Variants in LAMA2 observed in about 807,000 individuals in gnomAD.
The protein encoded by LAMA2 is laminin subunit alpha-2.
LAMA2 carries 269 observed loss-of-function variants against 364.8 expected under a neutral mutation model. That is an observed-to-expected ratio of 0.74 (90% confidence interval 0.67 to 0.82). The LOEUF (loss-of-function observed/expected upper bound fraction) is 0.82. Among genes scored for constraint, LAMA2 ranks in the 40% least tolerant of loss-of-function variants. The pLI is 0.00. For synonymous variants in LAMA2, 1,379 were observed against 1,370.6 expected (o/e 1.01, Z -0.14); for missense variants, 3,807 against 3,873.2 (o/e 0.98, Z 0.45).
intron 15 of LAMA2, among the ~76,000 whole-genome samples, chr6:129,263,620 T>C (rs1328538955): frequency 2.0e-5 from 3 of 150,668 alleles, no homozygotes; most frequent in African/African-American, 7.4e-5. Context: ...AGCAAGGCCA[T>C]GAGGAGATTT....
chr6:129,154,135 CG>C (rs1778967980), intron 7 of LAMA2, among the ~76,000 whole-genome samples: 1 of 152,148 alleles, frequency 6.6e-6, no homozygotes, highest in African/African-American at 2.4e-5. Flanking sequence ...AAGTCTAGGC[CG>C]GGGGCAGTGG....
At chr6:129,400,030 A>T (rs1031502009) in intron 37 of LAMA2, among the ~76,000 whole-genome samples, 1 of 152,202 alleles carries the variant, frequency 6.6e-6, no homozygotes, top group South Asian at 2.1e-4. Flanking sequence ...TATGCAATCA[A>T]AACTTATTTC....
chr6:129,516,128 A>G (rs144497643), intron 64 of LAMA2, 62 bp from the exon 65 acceptor site: 1 of 1,554,756 alleles, frequency 6.4e-7, no homozygotes, highest in African/African-American at 1.4e-5. Flanking sequence ...ACTTTGAAAC[A>G]TGCTCTTAAT....
intron 1 of LAMA2, among the ~76,000 whole-genome samples, chr6:128,923,568 A>G (rs1778887210): frequency 6.6e-6 from 1 of 152,166 alleles, no homozygotes; most frequent in Non-Finnish European, 1.5e-5. Context: ...AGGGGATAGT[A>G]TATCCAATAT....
At chr6:129,087,202 T>A (rs907745801) in intron 3 of LAMA2, among the ~76,000 whole-genome samples, 1 of 152,200 alleles carries the variant, frequency 6.6e-6, no homozygotes, top group Non-Finnish European at 1.5e-5. Flanking sequence ...TACTCTACCA[T>A]AACTAGCCTA....
chr6:128,893,249 G>A (rs1488331424), intron 1 of LAMA2, among the ~76,000 whole-genome samples: 1 of 151,864 alleles, frequency 6.6e-6, no homozygotes, highest in African/African-American at 2.4e-5. Flanking sequence ...AAATAAGGCA[G>A]ACCATACAAA....
intron 1 of LAMA2, among the ~76,000 whole-genome samples, chr6:128,965,241 G>T (rs1781763422): frequency 6.6e-6 from 1 of 152,010 alleles, no homozygotes; most frequent in South Asian, 2.1e-4. Context: ...CAATATATTG[G>T]AAAACTAAGT....
At chr6:129,020,183 G>A (rs1785354571) in intron 1 of LAMA2, among the ~76,000 whole-genome samples, 1 of 151,682 alleles carries the variant, frequency 6.6e-6, no homozygotes, top group Non-Finnish European at 1.5e-5. Context: ...TTGCCAGGCA[G>A]CATTAAATGT....
chr6:129,098,202 G>A lies in LAMA2; in HGVS notation c.426G>A (p.Lys142=). 5.6e-6 allele frequency: 9 copies of A among 1,614,050 alleles called. No individual in the cohort carries two copies. Among genetic ancestry groups the A allele is most frequent in the Non-Finnish European group, 7.6e-6 (9 of 1,179,970 alleles). The change falls in exon 4 of 65, where the codon AAG becomes AAA. Residue 142 remains lysine (K), a synonymous_variant. Transcript: ENST00000421865. ...QVFQIAYVIV[K]AANSPRPGNW... ...TCCAGATCGCGTATGTGATTGTGAA[G>A]GCAGCTAACTCCCCCCGGCCTGGAA... is the stretch of plus-strand genomic sequence containing the variant.
intron 1 of LAMA2, among the ~76,000 whole-genome samples, chr6:128,919,555 C>T (rs1778562901): frequency 6.6e-6 from 1 of 152,158 alleles, no homozygotes; most frequent in Admixed American, 6.5e-5. Flanking sequence ...ACTTCAATTT[C>T]CTTACAGGCT....
At chr6:129,496,911 G>A (rs1785235616) in intron 58 of LAMA2, among the ~76,000 whole-genome samples, 1 of 152,156 alleles carries the variant, frequency 6.6e-6, no homozygotes, top group Non-Finnish European at 1.5e-5. Context: ...TTACTATTAT[G>A]AGGGAATAAG....
chr6:129,348,128 G>A (rs904834755), intron 30 of LAMA2, among the ~76,000 whole-genome samples: 8 of 152,186 alleles, frequency 5.3e-5, no homozygotes, highest in Admixed American at 5.2e-4. Context: ...ATTTGGCAGA[G>A]TGTGTCAGTT....
At chr6:129,462,740 GTGTTTGTTTGTT>G (rs72343617) in intron 49 of LAMA2, among the ~76,000 whole-genome samples, 1 of 151,648 alleles carries the variant, frequency 6.6e-6, no homozygotes, top group Non-Finnish European at 1.5e-5. Context: ...AGAACTCCTG[GTGTTTGTTTGTT>G]TGTTTGTTTG....
chr6:129,234,612 A>C (rs919174227), intron 12 of LAMA2, among the ~76,000 whole-genome samples: 2 of 152,196 alleles, frequency 1.3e-5, no homozygotes, highest in Non-Finnish European at 2.9e-5. Context: ...TTAAAAACAA[A>C]ATATTTATTT....
intron 22 of LAMA2, among the ~76,000 whole-genome samples, chr6:129,305,432 C>A (rs1226454892): frequency 6.6e-6 from 1 of 151,902 alleles, no homozygotes; most frequent in Non-Finnish European, 1.5e-5. Context: ...TCAAGAAATC[C>A]TCTCACCTCA....
chr6:128,912,123 A>G (rs1669332220), intron 1 of LAMA2, among the ~76,000 whole-genome samples: 1 of 152,160 alleles, frequency 6.6e-6, no homozygotes, highest in African/African-American at 2.4e-5. Context: ...AAGCTTTTTT[A>G]TGGACATATG....
At chr6:129,457,560 C>A (rs1292770063) in intron 48 of LAMA2, among the ~76,000 whole-genome samples, 1 of 152,054 alleles carries the variant, frequency 6.6e-6, no homozygotes, top group Non-Finnish European at 1.5e-5. Context: ...ATCTACCTTG[C>A]TTGCATATTG....
At chr6:129,186,722 T>C (rs1329724212) in intron 10 of LAMA2, among the ~76,000 whole-genome samples, 3 of 151,696 alleles carry the variant, frequency 2.0e-5, no homozygotes, top group Non-Finnish European at 4.4e-5. Context: ...ATGTTGTCTG[T>C]ACCCCTCTTA....
intron 3 of LAMA2, among the ~76,000 whole-genome samples, chr6:129,088,177 A>G (rs1774513146): frequency 1.4e-5 from 2 of 147,702 alleles, no homozygotes; most frequent in African/African-American, 4.9e-5. Flanking sequence ...CCCTGAGTGG[A>G]CACAGCACAT....
Sources: allele counts gnomAD v4.1 joint callset (sites outside exome capture counted in the v4.1 genomes callset), GRCh38; gene constraint gnomAD v4.1.1; transcripts MANE v1.5; gene names NCBI Gene and HGNC (gene_info 2026-07-23, HGNC 2026-07-21).